The following CCDC154 variants were observed in gnomAD, a reference collection of about 807,000 sequenced individuals.
CCDC154 encodes the protein coiled-coil domain containing 154.
Under a neutral mutation model 87.5 loss-of-function variants are expected in CCDC154, and 91 were observed. The ratio of observed to expected loss-of-function variants is 1.04; its 90% CI spans 0.88 to 1.24. CCDC154 has a LOEUF of 1.24. Ranked by LOEUF, CCDC154 falls within the 50% of genes most tolerant of loss-of-function variation. CCDC154 has a pLI of 0.00. For synonymous variants in CCDC154, 418 were observed against 400.4 expected (o/e 1.04, Z -0.52); for missense variants, 903 against 879.2 (o/e 1.03, Z -0.34).
intron 6 of CCDC154, among the ~76,000 whole-genome samples, chr16:1,440,048 G>A (rs751321777): frequency 5.3e-5 from 8 of 151,018 alleles, no homozygotes; most frequent in Non-Finnish European, 8.8e-5. Flanking sequence ...TCTGGAGGCT[G>A]AGGCAGGAGA....
In CCDC154 at chr16:1,438,700, G is replaced by C; in HGVS notation, c.944C>G (p.Ala315Gly). 1 of 1,550,064 alleles carries C rather than the reference G, an allele frequency of 6.5e-7. No homozygotes were observed. The highest frequency in any genetic ancestry group is 8.7e-7 in the Non-Finnish European group (1 of 1,146,778). Residue 315 changes from alanine (A) to glycine (G), a missense_variant, in exon 9 of 17, where the codon GCT (alanine) becomes GGT (glycine). By Grantham distance (60) the Ala-to-Gly change is moderately conservative. Coordinates refer to ENST00000389176, the MANE Select transcript of CCDC154 (RefSeq NM_001143980.3). ...AAACTTGGTCAGCTGGGCCACGGCAGCATCCAGGCCCTGGCACTGCTCCAG... is the reference window on the plus strand; with the variant it reads ...AAACTTGGTCAGCTGGGCCACGGCACCATCCAGGCCCTGGCACTGCTCCAG... ...HLLEQCQGLD[A>G]AVAQLTKFVQ...
chr16:1,441,546 G>T, intron 6 of CCDC154, among the ~76,000 whole-genome samples: 1 of 152,214 alleles, frequency 6.6e-6, no homozygotes, highest in East Asian at 1.9e-4. Flanking sequence ...CTCCAGCCCC[G>T]TGGGTGGGAC....
In CCDC154 at chr16:1,444,341, G is replaced by T; in HGVS notation, c.-19C>A. ...CTGACATGGCTGCTGGGCTGCACCG[G>T]CCACCCTGCCCTCGGCTGTAGCTTG... is the stretch of plus-strand genomic sequence containing the variant. On this transcript the variant is annotated 5_prime_UTR_variant, in exon 1 of 17. Transcript: ENST00000389176. 7.7e-7 allele frequency: 1 copy of T among 1,301,158 alleles called. No individual in the cohort carries two copies. Among genetic ancestry groups the T allele is most frequent in the Non-Finnish European group, 1.0e-6 (1 of 988,806 alleles). The allele number at this position is 1,301,158 out of a possible 1,614,324, so 80.6% of individuals were successfully genotyped here.
At position 1,442,450 on chromosome 16, in the gene CCDC154, C is replaced by T. The variant is rs1204140030; in HGVS notation, c.631G>A (p.Glu211Lys). 5 of 1,550,146 alleles carry T rather than the reference C, an allele frequency of 3.2e-6. No homozygotes were observed. The African/African-American group carries it at 4.1e-5, about 13-fold the overall frequency. ...VACGALQKNQ[E>K]DSSRRVDLEV... is the part of the protein sequence containing the mutation. ...AGGTCCACCCTCCGGCTGCTGTCCTCTTGGTTCTTCTGCAGGGCGCCGCAG... is the reference window on the plus strand; with the variant it reads ...AGGTCCACCCTCCGGCTGCTGTCCTTTTGGTTCTTCTGCAGGGCGCCGCAG... The change falls in exon 6 of 17, where the codon GAG becomes AAG. Residue 211 changes from glutamate (E) to lysine (K), a missense_variant. Glu to Lys is a moderately conservative substitution (Grantham distance 56). Transcript: ENST00000389176.
At position 1,442,946 on chromosome 16, in the gene CCDC154, C is replaced by T. The variant is rs756712895; in HGVS notation, c.485G>A (p.Arg162Gln). Reference sequence around the variant, plus strand: ...CTGTTGCACCTGCCTCCTCCTGAGCCGGGTCAAGGCTTCCCGGACCTCCAC... The same window carrying T: ...CTGTTGCACCTGCCTCCTCCTGAGCTGGGTCAAGGCTTCCCGGACCTCCAC... ...RLVEVREALT[R>Q]LRRRQVQQEA... is the part of the protein sequence containing the mutation. Residue 162 changes from arginine to glutamine, a missense_variant, in exon 5 of 17, where the codon CGG (arginine) becomes CAG (glutamine). Coordinates refer to ENST00000389176, the MANE Select transcript of CCDC154 (RefSeq NM_001143980.3). The T allele has an allele frequency of 1.0e-5, 16 of 1,549,928 alleles. No homozygotes were observed. The highest frequency in any genetic ancestry group is 4.1e-5 in the African/African-American group (3 of 73,044).
intron 13 of CCDC154, 103 bp downstream of exon 13, chr16:1,436,342 C>T: frequency 1.8e-6 from 2 of 1,095,746 alleles, no homozygotes; most frequent in Admixed American, 4.1e-5. Flanking sequence ...GGGAACAGGT[C>T]TGTCACGATA....
In CCDC154 at chr16:1,437,050, G is replaced by C. The variant is rs569476140; in HGVS notation, c.1291-239C>G. ...CGTGGGGGCTGTTCCGACCACACAG[G>C]TGCCCGAGGGAGGCAGGGCAGGCCC... On this transcript the variant is annotated intron_variant, in intron 11 of 16. Transcript: ENST00000389176. 8.5e-5 allele frequency: 47 copies of C among 555,744 alleles called. 1 individual carries two copies. The East Asian group carries it at 1.4e-3, about 16-fold the overall frequency. 34.4% of individuals were successfully genotyped at this position (555,744 alleles called of 1,614,324 possible).
In CCDC154 at chr16:1,443,628, G is replaced by A. The variant is rs904126936; in HGVS notation, c.292C>T (p.Arg98Trp). ...TGGAGCAGCTCCCGCAGCAGGCTCC[G>A]CGTGGCGCGCTCACAGCGCTGCTTG... is the stretch of plus-strand genomic sequence containing the variant. Reference protein sequence around the residue: ...EHKQRCERATRSLLRELLQVR... With the variant: ...EHKQRCERATWSLLRELLQVR... The change falls in exon 3 of 17, where the codon CGG becomes TGG. Residue 98 changes from arginine to tryptophan, a missense_variant. Coordinates refer to ENST00000389176, the MANE Select transcript of CCDC154 (RefSeq NM_001143980.3). The A allele has an allele frequency of 1.2e-5, 16 of 1,386,368 alleles. No individual in the cohort carries two copies. Among genetic ancestry groups the A allele is most frequent in the African/African-American group, 4.4e-5 (3 of 68,922 alleles). 85.9% of individuals were successfully genotyped at this position (1,386,368 alleles called of 1,614,324 possible). A position where few individuals can be genotyped will look rare whatever the true frequency, so the allele number is the denominator to read the frequency against.
intron 11 of CCDC154, chr16:1,437,274 C>G (rs1306646568): frequency 5.3e-6 from 1 of 190,268 alleles, no homozygotes; most frequent in African/African-American, 2.4e-5. Context: ...AGCGGCCGCA[C>G]CGTGCGTGGC....
intron 7 of CCDC154, 27 bp downstream of exon 7, chr16:1,438,998 G>C (rs768434732): frequency 2.6e-6 from 4 of 1,549,918 alleles, no homozygotes; most frequent in Non-Finnish European, 3.5e-6. Flanking sequence ...GGGGGGCAGG[G>C]CAGGCCAGCC....
Position 1,438,895 on chromosome 16 carries a change from G to A in CCDC154, c.826C>T (p.Arg276Trp), listed in dbSNP as rs1289026054. Reference sequence around the variant, plus strand: ...TCCCACCGGCTCTCCAGCTCGCCCCGCAGGCTGCCCTCCAGCTTCAGCCGT... The same window carrying A: ...TCCCACCGGCTCTCCAGCTCGCCCCACAGGCTGCCCTCCAGCTTCAGCCGT... ...SSRLKLEGSL[R>W]GELESRWEKL... Residue 276 changes from arginine (R) to tryptophan (W), a missense_variant, in exon 8 of 17, where the codon CGG becomes TGG. Arg to Trp is a moderately radical substitution (Grantham distance 101, BLOSUM62 -3). Transcript: ENST00000389176. 2.5e-5 allele frequency: 38 copies of A among 1,549,280 alleles called. No homozygotes were observed. The East Asian group carries it at 3.2e-4, about 13-fold the overall frequency.
intron 11 of CCDC154, chr16:1,437,095 A>C: frequency 2.2e-6 from 1 of 456,796 alleles, no homozygotes; most frequent in Non-Finnish European, 4.0e-6. Flanking sequence ...CCAGCCCCGA[A>C]ACGCAGGGTG....
chr16:1,436,128 G>A (rs762024338), intron 13 of CCDC154, 42 bp from the exon 14 acceptor site: 16 of 1,504,132 alleles, frequency 1.1e-5, no homozygotes, highest in African/African-American at 8.3e-5. Context: ...GGGTGTGCTC[G>A]GGGGTAGGGC....
chr16:1,443,210 C>T (rs373311052), intron 4 of CCDC154, 51 bp downstream of exon 4: 1,069 of 1,541,460 alleles, frequency 6.9e-4, no homozygotes, highest in Non-Finnish European at 8.9e-4. Context: ...GCTGCTTTCT[C>T]GCCACCACCT....
intron 6 of CCDC154, chr16:1,439,392 C>G: frequency 2.0e-6 from 1 of 493,274 alleles, no homozygotes; most frequent in South Asian, 2.9e-5. Context: ...CACCCACCAC[C>G]GAGGCTGCCC....
intron 11 of CCDC154, 83 bp from the exon 12 acceptor site, chr16:1,436,894 G>A: frequency 2.0e-6 from 3 of 1,515,350 alleles, no homozygotes; most frequent in South Asian, 1.2e-5. Context: ...GAGCTCTGGG[G>A]AGCAGGCGGC....
In CCDC154 at chr16:1,438,668, G is replaced by A; in HGVS notation, c.976C>T (p.Gln326Ter). The change falls in exon 9 of 17, where the codon CAG (glutamine) becomes TAG (stop). Residue 326 changes from glutamine (Q) to a stop codon, truncating the protein, a stop_gained. Transcript: ENST00000389176. LOFTEE classifies it high-confidence loss of function. Reference protein sequence around the residue: ...AVAQLTKFVQQNQASLNRVLL... With the variant: ...AVAQLTKFVQ ...ACACGGTTCAGCGACGCCTGGTTCTGCTGCACAAACTTGGTCAGCTGGGCC... is the reference window on the plus strand; with the variant it reads ...ACACGGTTCAGCGACGCCTGGTTCTACTGCACAAACTTGGTCAGCTGGGCC... 2 of 1,550,146 alleles carry A rather than the reference G, an allele frequency of 1.3e-6. No individual in the cohort carries two copies. Among genetic ancestry groups the A allele is most frequent in the Non-Finnish European group, 1.7e-6 (2 of 1,146,808 alleles).
Position 1,440,145 on chromosome 16 carries a change from G to GAAA in CCDC154, c.676-1022_676-1020dup, listed in dbSNP as rs35755175. Among the ~76,000 whole-genome samples the GAAA allele has an allele frequency of 2.5e-3, 256 of 102,314 alleles. 4 individuals are homozygous for GAAA. Among genetic ancestry groups the GAAA allele is most frequent in the African/African-American group, 9.2e-3 (216 of 23,444 alleles). 67.1% of individuals were successfully genotyped at this position (102,314 alleles called of 152,430 possible). A position where few individuals can be genotyped will look rare whatever the true frequency, so the allele number is the denominator to read the frequency against. ...CCTGGGCGACAGAGCGAGACTGTCA[G>GAAA]AAAAAAAAAAAAAAAAAAAAATGGC... On this transcript the variant is annotated intron_variant, in intron 6 of 16. Coordinates refer to ENST00000389176, the MANE Select transcript of CCDC154 (RefSeq NM_001143980.3).
intron 1 of CCDC154, 59 bp downstream of exon 1, chr16:1,444,257 C>T (rs190991958): frequency 4.6e-6 from 6 of 1,290,550 alleles, no homozygotes; most frequent in Non-Finnish European, 6.1e-6. Context: ...GCAGAGCGGT[C>T]CCCACCCTCA....
Sources: gnomAD v4.1 joint callset for allele counts (sites outside exome capture counted in the v4.1 genomes callset) on GRCh38, gnomAD v4.1.1 for gene constraint, MANE v1.5 for transcripts, NCBI Gene and HGNC (gene_info 2026-07-23, HGNC 2026-07-21) for gene names.